The following TMCC1 variants were observed in gnomAD, a reference collection of about 807,000 sequenced individuals.
TMCC1 encodes the protein transmembrane and coiled-coil domain family 1.
TMCC1 carries 15 observed loss-of-function variants against 52.4 expected under a neutral mutation model. The observed-to-expected ratio is 0.29, with a 90% CI of 0.19 to 0.44. The LOEUF (loss-of-function observed/expected upper bound fraction) is 0.44, where lower values mean the gene tolerates loss of function less well. TMCC1 is among the 20% of genes least tolerant of loss of function. The pLI, the probability that TMCC1 is intolerant of heterozygous loss-of-function variation, is 1.00. For synonymous variants in TMCC1, 279 were observed against 301.9 expected (o/e 0.92, Z 0.79); for missense variants, 503 against 806.0 (o/e 0.62, Z 4.55).
intron 4 of TMCC1, among the ~76,000 whole-genome samples, chr3:129,798,956 A>T (rs1418993494): frequency 6.6e-6 from 1 of 152,232 alleles, no homozygotes; most frequent in East Asian, 1.9e-4. Flanking sequence ...AACAATACAG[A>T]TAGCATATTT....
At chr3:129,730,785 A>G (rs965208276) in intron 4 of TMCC1, among the ~76,000 whole-genome samples, 1 of 152,236 alleles carries the variant, frequency 6.6e-6, no homozygotes, top group Non-Finnish European at 1.5e-5. Flanking sequence ...GTTTACATGA[A>G]GCGGACCAAA....
chr3:129,711,713 A>AG (rs1345511216), intron 4 of TMCC1, among the ~76,000 whole-genome samples: 1 of 151,020 alleles, frequency 6.6e-6, no homozygotes, highest in East Asian at 2.0e-4. Context: ...AAATTAGGCC[A>AG]GGTGCGGTGG....
At chr3:129,694,611 G>A (rs765610642) in intron 4 of TMCC1, among the ~76,000 whole-genome samples, 17 of 152,162 alleles carry the variant, frequency 1.1e-4, no homozygotes, top group Non-Finnish European at 1.8e-4. Flanking sequence ...CCAAGATGGC[G>A]ATGAGAGTGA....
chr3:129,750,118 T>G (rs772186552), intron 4 of TMCC1, among the ~76,000 whole-genome samples: 6 of 152,234 alleles, frequency 3.9e-5, no homozygotes, highest in Non-Finnish European at 7.3e-5. Context: ...ATCATTAACA[T>G]AAAGGAGTTG....
intron 4 of TMCC1, among the ~76,000 whole-genome samples, chr3:129,769,913 G>A (rs2054417191): frequency 6.6e-6 from 1 of 152,132 alleles, no homozygotes. Flanking sequence ...AAGCAACGGA[G>A]AAGAATTTGT....
At chr3:129,875,490 C>CAAAAAAAAAAAAAAA (rs370431347) in intron 2 of TMCC1, among the ~76,000 whole-genome samples, 1 of 17,324 alleles carries the variant, frequency 5.8e-5, no homozygotes, top group Non-Finnish European at 1.4e-4. Context: ...GACTCCATCT[C>CAAAAAAAAAAAAAAA]AAAAAAAAAA....
At position 129,799,628 on chromosome 3, in the gene TMCC1, G is replaced by A. The variant is rs565366894; in HGVS notation, c.576+28175C>T. Among the ~76,000 whole-genome samples, 11 of 152,224 alleles carry A rather than the reference G, an allele frequency of 7.2e-5. No individual in the cohort carries two copies. The East Asian group carries it at 2.1e-3, about 29-fold the overall frequency. The stretch of plus-strand genomic sequence containing the variant: ...GATCGAGACCATCCTGGCTAAAACG[G>A]TGAAACCTCATCTCTACTAAAAATA... On this transcript the variant is annotated intron_variant, in intron 4 of 6. Transcript: ENST00000393238.
intron 2 of TMCC1, among the ~76,000 whole-genome samples, chr3:129,878,636 T>A (rs954961121): frequency 6.6e-6 from 1 of 152,074 alleles, no homozygotes; most frequent in Non-Finnish European, 1.5e-5. Context: ...GCCAAAGAAA[T>A]GAAAATGTCA....
At chr3:129,660,104 C>G in intron 5 of TMCC1, among the ~76,000 whole-genome samples, 1 of 152,170 alleles carries the variant, frequency 6.6e-6, no homozygotes, top group East Asian at 1.9e-4. Context: ...TAGTCTTACT[C>G]CACTGTTCAC....
At chr3:129,661,073 A>G (rs1489346740) in intron 5 of TMCC1, among the ~76,000 whole-genome samples, 2 of 152,252 alleles carry the variant, frequency 1.3e-5, no homozygotes, top group Non-Finnish European at 2.9e-5. Flanking sequence ...TACATGGGAA[A>G]TTAACAGCAA....
intron 5 of TMCC1, among the ~76,000 whole-genome samples, chr3:129,660,893 C>A (rs2086981091): frequency 6.6e-6 from 1 of 152,220 alleles, no homozygotes; most frequent in East Asian, 1.9e-4. Flanking sequence ...ATCCTCCCAT[C>A]TCAGCCTCCT....
intron 4 of TMCC1, among the ~76,000 whole-genome samples, chr3:129,686,748 TAG>T (rs1210409838): frequency 2.6e-5 from 4 of 152,180 alleles, no homozygotes; most frequent in Non-Finnish European, 4.4e-5. Flanking sequence ...AAATCTATTT[TAG>T]TCTGGGAGGT....
intron 4 of TMCC1, among the ~76,000 whole-genome samples, chr3:129,780,476 T>C (rs1407635069): frequency 1.3e-5 from 2 of 152,060 alleles, no homozygotes; most frequent in African/African-American, 4.8e-5. Context: ...TTTTCCACTA[T>C]TACCTCTAAG....
intron 4 of TMCC1, among the ~76,000 whole-genome samples, chr3:129,698,847 C>A (rs1177760918): frequency 1.3e-5 from 2 of 151,728 alleles, no homozygotes; most frequent in African/African-American, 4.8e-5. Context: ...TAGTATCTGG[C>A]CCTTTATAAA....
intron 2 of TMCC1, among the ~76,000 whole-genome samples, chr3:129,850,541 T>C (rs1285660137): frequency 6.6e-6 from 1 of 152,144 alleles, no homozygotes; most frequent in African/African-American, 2.4e-5. Flanking sequence ...TGTTCAACAG[T>C]GGGGCTTCTC....
intron 2 of TMCC1, among the ~76,000 whole-genome samples, chr3:129,845,694 G>A (rs1198273037): frequency 6.6e-6 from 1 of 152,160 alleles, no homozygotes; most frequent in Non-Finnish European, 1.5e-5. Context: ...CTGAGAAAAG[G>A]GTTGTGACAA....
At chr3:129,754,038 A>G (rs144460190) in intron 4 of TMCC1, among the ~76,000 whole-genome samples, 2 of 152,322 alleles carry the variant, frequency 1.3e-5, no homozygotes, top group Admixed American at 6.5e-5. Flanking sequence ...GTAAGGTCAC[A>G]GGACACAAGG....
At chr3:129,819,572 A>G (rs1052253150) in intron 4 of TMCC1, among the ~76,000 whole-genome samples, 2 of 152,198 alleles carry the variant, frequency 1.3e-5, no homozygotes, top group Non-Finnish European at 2.9e-5. Context: ...AAAAGGAAAA[A>G]CAATTTCAAA....
intron 5 of TMCC1, among the ~76,000 whole-genome samples, chr3:129,663,170 A>G (rs4234699): frequency 0.77 from 116,637 of 152,082 alleles, 47,255 homozygotes; most frequent in Non-Finnish European, 0.91. Flanking sequence ...CTGGGTGAGT[A>G]CACAGCCTGG....
Sources: allele counts gnomAD v4.1 joint callset (sites outside exome capture counted in the v4.1 genomes callset), GRCh38; gene constraint gnomAD v4.1.1; transcripts MANE v1.5; gene names NCBI Gene and HGNC (gene_info 2026-07-23, HGNC 2026-07-21).